NLRP1: variants seen among roughly 807,000 people sequenced by gnomAD.
The protein encoded by NLRP1 is NLR family pyrin domain containing 1, also known as NACHT, LRR and PYD domains-containing protein 1.
Under a neutral mutation model 136.7 loss-of-function variants are expected in NLRP1, and 94 were observed. The ratio of observed to expected loss-of-function variants is 0.69; its 90% CI spans 0.58 to 0.82. The LOEUF is 0.82. Ranked by LOEUF, NLRP1 falls within the 40% of genes least tolerant of loss-of-function variation. The pLI is 0.00. For missense variants in NLRP1, 1,575 were observed against 1,802.7 expected (o/e 0.87, Z 2.29); for synonymous variants, 690 against 725.1 (o/e 0.95, Z 0.78).
Position 5,559,402 on chromosome 17 carries a change from G to C in NLRP1, c.1294C>G (p.Gln432Glu). ...PSSELCLHWSQPQPADALLGS... is the reference protein window; with the variant it reads ...PSSELCLHWSEPQPADALLGS... ...AGCAGTGCATCCGCCGGCTGTGGCT[G>C]GCTCCAGTGCAGACAGAGCTCAGAA... Residue 432 changes from glutamine to glutamate, a missense_variant, in exon 4 of 17, where the codon CAG becomes GAG. Coordinates refer to ENST00000572272, the MANE Select transcript of NLRP1 (RefSeq NM_033004.4). The C allele has an allele frequency of 6.2e-7, 1 of 1,614,064 alleles. No individual in the cohort carries two copies. Among genetic ancestry groups the C allele is most frequent in the Non-Finnish European group, 8.5e-7 (1 of 1,179,964 alleles).
intron 15 of NLRP1, 47 bp from the exon 16 acceptor site, chr17:5,515,564 A>T (rs1370801943): frequency 1.4e-6 from 2 of 1,406,248 alleles, no homozygotes; most frequent in Non-Finnish European, 2.0e-6. Context: ...GTGCTAAGTT[A>T]TTAACACACA....
chr17:5,580,047 A>G (rs1032381302), intron 3 of NLRP1, among the ~76,000 whole-genome samples: 1 of 152,118 alleles, frequency 6.6e-6, no homozygotes, highest in Non-Finnish European at 1.5e-5. Flanking sequence ...CAGCCTGACT[A>G]ACATGGTGAA....
At chr17:5,524,535 A>G (rs1909294233) in intron 12 of NLRP1, among the ~76,000 whole-genome samples, 1 of 152,194 alleles carries the variant, frequency 6.6e-6, no homozygotes, top group African/African-American at 2.4e-5. Flanking sequence ...AGCGTGTGAG[A>G]TGGTATGACC....
intron 5 of NLRP1, among the ~76,000 whole-genome samples, chr17:5,542,785 CCCT>C (rs1161078992): frequency 5.6e-4 from 82 of 146,134 alleles, no homozygotes; most frequent in African/African-American, 2.0e-3. Flanking sequence ...CTCCCTCCCT[CCCT>C]CCTTTCTTTC....
rs573769770 is a variant in NLRP1, at chr17:5,502,202, C to T, written c.4070-330G>A. 64 of 269,720 alleles carry T rather than the reference C, an allele frequency of 2.4e-4. 2 individuals carry two copies. Among genetic ancestry groups the T allele is most frequent in the South Asian group, 2.3e-3 (58 of 24,712 alleles). 16.7% of individuals were successfully genotyped at this position (269,720 alleles called of 1,614,324 possible). On this transcript the variant is annotated intron_variant, in intron 15 of 15. Coordinates refer to the NLRP1 transcript ENST00000262467. The stretch of plus-strand genomic sequence containing the variant: ...CAAACTCTGGTTCTCACAGCTTAAC[C>T]ACCTCAGCTAAAAGGGCTTCCAGTT...
downstream of NLRP1, chr17:5,512,437 A>T: frequency 1.2e-6 from 1 of 806,676 alleles, no homozygotes; most frequent in Non-Finnish European, 2.2e-6. Flanking sequence ...GCAATCCGCA[A>T]TTCCACGACC....
At position 5,536,842 on chromosome 17, in the gene NLRP1, CCCCCTT is replaced by C; in HGVS notation, c.2960+3_2960+8del. 6.2e-7 allele frequency: 1 copy of C among 1,603,788 alleles called. No homozygotes were observed. The highest frequency in any genetic ancestry group is 1.1e-5 in the South Asian group (1 of 90,836). On this transcript the variant is annotated splice_donor_5th_base_variant and intron_variant, in intron 8 of 16. Transcript: ENST00000572272. The stretch of plus-strand genomic sequence containing the variant: ...GGTCAGCCAGAGGGAGTTCTGGGTC[CCCCCTT>C]ACCGTCTGCTGAAGATGAGCAGCTG...
rs1911261608 is a variant in NLRP1 at position 5,537,654 on chromosome 17, G to A, written c.2871-714C>T. Reference sequence around the variant, plus strand: ...AGGGCTCTGCATTCATTCCCCTACTGCTGTTAGAGCTGTTCTGCCCCTGGG... The same window carrying A: ...AGGGCTCTGCATTCATTCCCCTACTACTGTTAGAGCTGTTCTGCCCCTGGG... On this transcript the variant is annotated intron_variant, in intron 7 of 16. Coordinates refer to ENST00000572272, the MANE Select transcript of NLRP1 (RefSeq NM_033004.4). This position sits in a 1 kb window ranked among gnomAD's most constrained non-coding sequence, Gnocchi z 4.5. Among the ~76,000 whole-genome samples, 1 of 152,202 alleles carries A rather than the reference G, an allele frequency of 6.6e-6. No individual in the cohort carries two copies. The highest frequency in any genetic ancestry group is 1.9e-4 in the East Asian group (1 of 5,190).
chr17:5,544,810 A>G (rs1291449092), intron 5 of NLRP1, among the ~76,000 whole-genome samples: 1 of 152,106 alleles, frequency 6.6e-6, no homozygotes, highest in East Asian at 1.9e-4. Flanking sequence ...GTTTTTAGTT[A>G]GGGAGGATAG....
In NLRP1 at chr17:5,536,877, T is replaced by A. The variant is rs7215856; in HGVS notation, c.2934A>T (p.Lys978Asn). ...RQELRALEQE[K>N]PQLLIFSRRK... is the part of the protein sequence containing the mutation. ...GTCTGCTGAAGATGAGCAGCTGAGG[T>A]TTCTCCTGCTCCAGGGCCCTCAGTT... Residue 978 changes from lysine (K) to asparagine (N), a missense_variant, in exon 8 of 17, where the codon AAA becomes AAT. Transcript: ENST00000572272. 1.2e-6 allele frequency: 2 copies of A among 1,611,688 alleles called. No homozygotes were observed. Among genetic ancestry groups the A allele is most frequent in the Non-Finnish European group, 1.7e-6 (2 of 1,177,924 alleles).
intron 4 of NLRP1, among the ~76,000 whole-genome samples, chr17:5,554,261 G>C (rs1377676586): frequency 6.6e-6 from 1 of 152,162 alleles, no homozygotes; most frequent in Non-Finnish European, 1.5e-5. Flanking sequence ...AAGAGATGAC[G>C]GGCTTTGTCT....
In NLRP1 at chr17:5,532,981, T is replaced by G; in HGVS notation, c.3137A>C (p.Glu1046Ala). 1 of 1,611,364 alleles carries G rather than the reference T, an allele frequency of 6.2e-7. No homozygotes were observed. The highest frequency in any genetic ancestry group is 8.5e-7 in the Non-Finnish European group (1 of 1,178,932). Reference protein sequence around the residue: ...KIFPIAEIAEESSPEVVPVEL... With the variant: ...KIFPIAEIAEASSPEVVPVEL... ...CACCGGTACTACCTCTGGGGAGCTT[T>G]CCTCTGAAACAGCAAGGCAGCGGTC... Residue 1046 changes from glutamate (E) to alanine (A), a missense_variant, in exon 11 of 17, where the codon GAA becomes GCA. Physicochemically the swap from Glu to Ala is moderately radical, Grantham distance 107. Transcript: ENST00000572272.
chr17:5,528,917 A>T (rs1211999590), intron 12 of NLRP1, among the ~76,000 whole-genome samples: 7 of 152,250 alleles, frequency 4.6e-5, no homozygotes, highest in Non-Finnish European at 1.5e-5. Flanking sequence ...CTTATAACTG[A>T]TGTAAGCTAT....
Position 5,530,610 on chromosome 17 carries a change from C to T in NLRP1, c.3391G>A (p.Val1131Met). ...EAVTVEIEFCVWDQFLGEINP... is the reference protein window; with the variant it reads ...EAVTVEIEFCMWDQFLGEINP... ...ATCTCACCCAGGAACTGGTCCCACA[C>T]ACAGAATTCAATCTCAACGGTCACC... The change falls in exon 12 of 17, where the codon GTG becomes ATG. Residue 1131 changes from valine (V) to methionine (M), a missense_variant. Coordinates refer to ENST00000572272, the MANE Select transcript of NLRP1 (RefSeq NM_033004.4). 6.2e-7 allele frequency: 1 copy of T among 1,614,230 alleles called. No homozygotes were observed. The highest frequency in any genetic ancestry group is 8.5e-7 in the Non-Finnish European group (1 of 1,180,050).
chr17:5,518,084 G>A (rs367868204), intron 14 of NLRP1, 197 bp from the exon 15 acceptor site: 23 of 562,900 alleles, frequency 4.1e-5, no homozygotes, highest in South Asian at 1.1e-4. Flanking sequence ...AGTACCTCAC[G>A]GGTAAGTCAG....
At chr17:5,556,691 C>T (rs891705678) in intron 4 of NLRP1, among the ~76,000 whole-genome samples, 3 of 151,026 alleles carry the variant, frequency 2.0e-5, no homozygotes, top group Non-Finnish European at 4.4e-5. Context: ...GGCACAATCT[C>T]AGCTCACTGC....
chr17:5,501,575 T>C (rs547350330), exon 16 of NLRP1: 27 of 418,792 alleles, frequency 6.4e-5, no homozygotes, highest in Non-Finnish European at 1.1e-4. Flanking sequence ...TTCTTCCTTT[T>C]TTTTCTCTGT....
In NLRP1 at chr17:5,541,976, C is replaced by T. The variant is rs761031001; in HGVS notation, c.2580G>A (p.Gly860=). 1.2e-6 allele frequency: 2 copies of T among 1,614,102 alleles called. No homozygotes were observed. The highest frequency in any genetic ancestry group is 2.2e-5 in the South Asian group (2 of 91,072). ...TAEDCKDLAF[G]LRANQTLTEL... Reference sequence around the variant, plus strand: ...CGGTCAGGGTCTGGTTGGCTCTCAGCCCAAAGGCAAGGTCCTTGCAGTCCT... The same window carrying T: ...CGGTCAGGGTCTGGTTGGCTCTCAGTCCAAAGGCAAGGTCCTTGCAGTCCT... The change falls in exon 6 of 17, where the codon GGG becomes GGA. Residue 860 remains glycine, a synonymous_variant. Transcript: ENST00000572272. The surrounding 1 kb of genome is among the most constrained non-coding windows in gnomAD (Gnocchi z 4.2).
chr17:5,556,396 G>A (rs1309804761), intron 4 of NLRP1, among the ~76,000 whole-genome samples: 1 of 151,152 alleles, frequency 6.6e-6, no homozygotes, highest in South Asian at 2.1e-4. Context: ...CCAGGCTGCA[G>A]TGAGCTGTGA....
Sources: allele counts gnomAD v4.1 joint callset (sites outside exome capture counted in the v4.1 genomes callset), GRCh38; gene constraint gnomAD v4.1.1; non-coding constraint Gnocchi (gnomAD v3.1); transcripts MANE v1.5; gene names NCBI Gene and HGNC (gene_info 2026-07-23, HGNC 2026-07-21).